The following DCHS2 variants were observed in gnomAD, a reference collection of about 807,000 sequenced individuals.
The protein encoded by DCHS2 is protocadherin-23.
Under a neutral mutation model 182.4 loss-of-function variants are expected in DCHS2, and 142 were observed. That is an observed-to-expected ratio of 0.78 (90% confidence interval 0.68 to 0.89). The LOEUF (loss-of-function observed/expected upper bound fraction) is 0.89. Among genes scored for constraint, DCHS2 ranks in the 40% least tolerant of loss-of-function variants. The probability of loss-of-function intolerance (pLI) is 0.00; values close to 1 mark genes in which losing one functional copy is unlikely to be tolerated. For missense variants in DCHS2, 4,319 were observed against 4,198.6 expected (o/e 1.03, Z -0.79); for synonymous variants, 1,740 against 1,663.3 (o/e 1.05, Z -1.12).
chr4:154,334,199 A>G (rs1459668972), intron 4 of DCHS2: 4 of 152,524 alleles, frequency 2.6e-5, no homozygotes, highest in Non-Finnish European at 5.9e-5. Context: ...AAGGGCAAAT[A>G]CTCTCCATAG....
chr4:154,403,206 T>C (rs984957076), intron 1 of DCHS2, among the ~76,000 whole-genome samples: 5 of 152,190 alleles, frequency 3.3e-5, no homozygotes, highest in Non-Finnish European at 7.4e-5. Context: ...CAATACTGAT[T>C]AGAAGTGGTG....
intron 2 of DCHS2, among the ~76,000 whole-genome samples, chr4:154,370,473 TAG>T (rs1296195928): frequency 6.6e-6 from 1 of 152,162 alleles, no homozygotes; most frequent in South Asian, 2.1e-4. Flanking sequence ...TTTTTTAAGA[TAG>T]AGACTATTAT....
chr4:154,423,436 T>C (rs747004318), intron 1 of DCHS2, among the ~76,000 whole-genome samples: 24 of 152,224 alleles, frequency 1.6e-4, no homozygotes, highest in Non-Finnish European at 4.4e-5. Flanking sequence ...TAATTGGTTG[T>C]CTCTCCTGCT....
At chr4:154,366,654 GAC>G (rs148346473) in intron 2 of DCHS2, among the ~76,000 whole-genome samples, 5 of 150,864 alleles carry the variant, frequency 3.3e-5, no homozygotes, top group Non-Finnish European at 7.4e-5. Context: ...CACACACACA[GAC>G]ACACACACAC....
At chr4:154,305,952 A>G (rs757687683) in intron 10 of DCHS2, among the ~76,000 whole-genome samples, 4 of 152,114 alleles carry the variant, frequency 2.6e-5, no homozygotes, top group African/African-American at 7.2e-5. Flanking sequence ...TTATTTTCCT[A>G]TGTTCCTTTC....
intron 1 of DCHS2, among the ~76,000 whole-genome samples, chr4:154,439,307 G>T (rs948725474): frequency 9.2e-5 from 14 of 152,118 alleles, no homozygotes; most frequent in African/African-American, 3.4e-4. Flanking sequence ...GAAATTGAAA[G>T]CTACTATCAA....
Position 154,489,528 on chromosome 4 carries a change from A to C in DCHS2, c.1828T>G (p.Ser610Ala). 6.4e-7 allele frequency: 1 copy of C among 1,551,620 alleles called. No homozygotes were observed. The highest frequency in any genetic ancestry group is 1.4e-5 in the African/African-American group (1 of 73,148). ...AECGPSFAID[S>A]ESGAISTIRT... is the part of the protein sequence containing the mutation. ...ATAGTGCTGATCGCACCGCTTTCGG[A>C]ATCAATGGCAAAAGATGGTCCACAC... is the stretch of plus-strand genomic sequence containing the variant. Residue 610 changes from serine (S) to alanine (A), a missense_variant, in exon 1 of 20, where the codon TCC becomes GCC. Physicochemically the swap from Ser to Ala is moderately conservative, Grantham distance 99 (BLOSUM62 1). Coordinates refer to ENST00000357232, the MANE Select transcript of DCHS2 (RefSeq NM_001358235.2).
In DCHS2 at chr4:154,366,354, T is replaced by TTAAA; in HGVS notation, c.2331_2332insTTTA (p.Thr778PhefsTer6). 6 of 1,613,904 alleles carry TTAAA rather than the reference T, an allele frequency of 3.7e-6. No homozygotes were observed. Among genetic ancestry groups the TTAAA allele is most frequent in the Non-Finnish European group, 4.2e-6 (5 of 1,179,930 alleles). On this transcript the variant is annotated frameshift_variant, in exon 3 of 20. Coordinates refer to ENST00000357232, the MANE Select transcript of DCHS2 (RefSeq NM_001358235.2). LOFTEE classifies it high-confidence loss of function. Reference sequence around the variant, plus strand: ...GGCTGGGTCTCATCACTGATGCTCGTCACATAGGTTGATGGGTTAAACACA... The same window carrying TTAAA: ...GGCTGGGTCTCATCACTGATGCTCGTTAAACACATAGGTTGATGGGTTAAACACA...
At chr4:154,238,533 TTCTC>T (rs1731645033) in intron 19 of DCHS2, among the ~76,000 whole-genome samples, 1 of 152,190 alleles carries the variant, frequency 6.6e-6, no homozygotes, top group Non-Finnish European at 1.5e-5. Flanking sequence ...CTGTTCAACT[TTCTC>T]TATATACTGT....
chr4:154,395,152 A>T (rs1731875953), intron 1 of DCHS2, among the ~76,000 whole-genome samples: 1 of 152,202 alleles, frequency 6.6e-6, no homozygotes, highest in African/African-American at 2.4e-5. Flanking sequence ...CAGAGAAGTA[A>T]AAATATGTTA....
intron 1 of DCHS2, among the ~76,000 whole-genome samples, chr4:154,397,534 C>A (rs1731986879): frequency 6.6e-6 from 1 of 152,146 alleles, no homozygotes; most frequent in African/African-American, 2.4e-5. Context: ...ATACTACTTG[C>A]TTTTTCACAA....
intron 3 of DCHS2, chr4:154,343,566 C>T (rs1429320085): frequency 7.2e-6 from 11 of 1,526,964 alleles, no homozygotes; most frequent in Admixed American, 4.0e-5. Flanking sequence ...ATGGAGATGG[C>T]GTCTTCCCTT....
In DCHS2 at chr4:154,260,379, C is replaced by A. The variant is rs1015652372; in HGVS notation, c.6578-623G>T. Among the ~76,000 whole-genome samples, 6 of 152,302 alleles carry A rather than the reference C, an allele frequency of 3.9e-5. No individual in the cohort carries two copies. In the East Asian group the frequency reaches 1.2e-3, roughly 29 times the overall value. On this transcript the variant is annotated intron_variant, in intron 14 of 19. Coordinates refer to ENST00000357232, the MANE Select transcript of DCHS2 (RefSeq NM_001358235.2). ...AAAGTCTATCTTTCAAATTTAGCTT[C>A]ACTCCAGCCCCATTACTGCTGCCTT...
rs544712898 is a variant in DCHS2 at position 154,260,931 on chromosome 4, C to G, written c.6578-1175G>C. 2.0e-5 allele frequency among the ~76,000 whole-genome samples: 3 copies of G among 152,292 alleles called. No individual in the cohort carries two copies. In the South Asian group the frequency reaches 6.2e-4, roughly 32 times the overall value. ...GGTGATGCCATACTCTAGTTTCCCC[C>G]ACCCCCAGCAAATTAAGAAACTTAC... On this transcript the variant is annotated intron_variant, in intron 14 of 19. Transcript: ENST00000357232.
intron 16 of DCHS2, among the ~76,000 whole-genome samples, chr4:154,252,310 T>TACAA (rs1233680044): frequency 6.6e-5 from 10 of 152,228 alleles, no homozygotes; most frequent in Non-Finnish European, 1.3e-4. Flanking sequence ...TCCTTTGTGT[T>TACAA]ACAAACAATC....
chr4:154,490,186 G>T lies in DCHS2; in HGVS notation c.1170C>A (p.Ala390=), dbSNP rs912166201. 4.5e-6 allele frequency: 7 copies of T among 1,549,324 alleles called. No homozygotes were observed. The highest frequency in any genetic ancestry group is 4.4e-6 in the Non-Finnish European group (5 of 1,146,650). ...CGCGCACCGTGGCAACCTCAGGCTC[G>T]GCGCCTCCATCGCGGGCCTCCACCA... The part of the protein sequence containing the change: ...QLVVEARDGG[A]EPEVATVRVS... Residue 390 remains alanine, a synonymous_variant, in exon 1 of 20, where the codon GCC becomes GCA. Coordinates refer to ENST00000357232, the MANE Select transcript of DCHS2 (RefSeq NM_001358235.2).
chr4:154,292,292 A>G (rs1421162904), intron 13 of DCHS2, among the ~76,000 whole-genome samples: 1 of 152,150 alleles, frequency 6.6e-6, no homozygotes. Context: ...CTTTCCCTTC[A>G]TAGGAAAAGC....
chr4:154,267,266 G>A (rs1043819846), intron 14 of DCHS2, among the ~76,000 whole-genome samples: 15 of 152,222 alleles, frequency 9.9e-5, no homozygotes, highest in African/African-American at 3.6e-4. Flanking sequence ...AGGCAGGTGT[G>A]TGACCTTGAT....
chr4:154,326,718 G>A (rs950887227), intron 7 of DCHS2, among the ~76,000 whole-genome samples: 8 of 152,054 alleles, frequency 5.3e-5, no homozygotes, highest in African/African-American at 1.9e-4. Context: ...TACGTGTAAA[G>A]TGTGACCCCT....
Sources: allele counts gnomAD v4.1 joint callset (sites outside exome capture counted in the v4.1 genomes callset), GRCh38; gene constraint gnomAD v4.1.1; transcripts MANE v1.5; gene names NCBI Gene and HGNC (gene_info 2026-07-23, HGNC 2026-07-21).